Variants in ACACB observed in about 807,000 individuals in gnomAD.
ACACB encodes the protein acetyl-CoA carboxylase 2.
In ACACB, 209 loss-of-function variants were observed where a neutral mutation model predicts 278.8. That is an observed-to-expected ratio of 0.75 (90% CI 0.67 to 0.84). ACACB has a LOEUF of 0.84. Among genes scored for constraint, ACACB ranks in the 40% least tolerant of loss-of-function variants. The pLI, the probability that ACACB is intolerant of heterozygous loss-of-function variation, is 0.00. For synonymous variants in ACACB, 1,174 were observed against 1,285.6 expected, an observed-to-expected ratio of 0.91 and a Z score of 1.86; for missense variants, 2,850 against 3,269.0, an observed-to-expected ratio of 0.87 and a Z score of 3.13.
At chr12:109,158,971 T>C (rs2043632860) in intron 2 of ACACB, among the ~76,000 whole-genome samples, 1 of 62,160 alleles carries the variant, frequency 1.6e-5, no homozygotes, top group South Asian at 5.8e-4. Flanking sequence ...CAAGACTCCC[T>C]TTCGAAACAA....
intron 29 of ACACB, 148 bp downstream of exon 29, chr12:109,232,954 A>G (rs1593652830): frequency 1.0e-6 from 1 of 984,894 alleles, no homozygotes; most frequent in Non-Finnish European, 1.5e-6. Context: ...TAATAATAGC[A>G]TTGTAGCCAA....
intron 19 of ACACB, among the ~76,000 whole-genome samples, chr12:109,202,654 TTAAC>T (rs1339802795): frequency 4.6e-5 from 7 of 152,182 alleles, no homozygotes; most frequent in Non-Finnish European, 8.8e-5. Context: ...TGTTATTAAT[TTAAC>T]TATTATTGCA....
At chr12:109,133,901 GTT>G (rs36101609) in intron 1 of ACACB, among the ~76,000 whole-genome samples, 28 of 93,182 alleles carry the variant, frequency 3.0e-4, no homozygotes, top group African/African-American at 1.3e-3. Flanking sequence ...CAGCACACAG[GTT>G]TTTTTTTTTT....
intron 19 of ACACB, among the ~76,000 whole-genome samples, chr12:109,204,267 A>AT (rs558377061): frequency 4.8e-3 from 600 of 125,296 alleles, no homozygotes; most frequent in Admixed American, 0.012. Context: ...TATCAATACT[A>AT]TATCTTTTTT....
Position 109,262,953 on chromosome 12 carries a change from TATATATA to T in ACACB, c.6787+485_6787+491del, listed in dbSNP as rs1565985732. 2.1e-3 allele frequency: 190 copies of T among 91,678 alleles called. 6 individuals carry two copies. Among genetic ancestry groups the T allele is most frequent in the Non-Finnish European group, 3.0e-3 (154 of 50,884 alleles). 5.7% of individuals were successfully genotyped at this position (91,678 alleles called of 1,614,324 possible). ...TTCTAAATCAACCTTTTTAACATTA[TATATATA>T]TATATATATATATATATATATATTG... On this transcript the variant is annotated intron_variant, in intron 49 of 52. Transcript: ENST00000338432.
At position 109,188,023 on chromosome 12, in the gene ACACB, G is replaced by A. The variant is rs777305943; in HGVS notation, c.2005G>A (p.Val669Ile). 3 of 1,612,080 alleles carry A rather than the reference G, an allele frequency of 1.9e-6. No individual in the cohort carries two copies. The highest frequency in any genetic ancestry group is 1.7e-5 in the Admixed American group (1 of 59,938). ...DEGFKPSSGT[V>I]QELNFRSSKN... ...GGGTTTTAAGCCGAGCTCCGGGACT[G>A]TCCAGGAACTGAATTTCCGGAGCAG... is the stretch of plus-strand genomic sequence containing the variant. Residue 669 changes from valine (V) to isoleucine (I), a missense_variant, in exon 13 of 53, where the codon GTC (valine) becomes ATC (isoleucine). Val to Ile is a conservative substitution (Grantham distance 29, BLOSUM62 3). This residue lies in a region of ACACB where 2,265 missense variants were observed against 2,561.3 expected (regional missense o/e 0.88). Transcript: ENST00000338432.
intron 34 of ACACB, among the ~76,000 whole-genome samples, chr12:109,238,278 C>G (rs890461946): frequency 6.8e-6 from 1 of 147,042 alleles, no homozygotes; most frequent in Non-Finnish European, 1.5e-5. Context: ...TTGTGGACCT[C>G]TTTCATTGTT....
At chr12:109,190,248 C>T (rs1176456103) in intron 13 of ACACB, among the ~76,000 whole-genome samples, 1 of 152,094 alleles carries the variant, frequency 6.6e-6, no homozygotes, top group Non-Finnish European at 1.5e-5. Context: ...CCCACCACGC[C>T]CGGCTAGTTT....
At chr12:109,240,782 A>G (rs950532123) in intron 35 of ACACB, among the ~76,000 whole-genome samples, 1 of 152,082 alleles carries the variant, frequency 6.6e-6, no homozygotes, top group African/African-American at 2.4e-5. Context: ...ATGTAAAGAT[A>G]GTATAACATA....
chr12:109,168,460 A>G lies in ACACB; in HGVS notation c.925+426A>G, dbSNP rs536844418. Among the ~76,000 whole-genome samples, 5 of 152,286 alleles carry G rather than the reference A, an allele frequency of 3.3e-5. No individual in the cohort carries two copies. The East Asian group carries it at 7.7e-4, about 24-fold the overall frequency. The stretch of plus-strand genomic sequence containing the variant: ...TCCTTTTATAGGCCCTACTCCCCAC[A>G]GCAGCCAAAGTGACCTTTTAAAAGC... On this transcript the variant is annotated intron_variant, in intron 4 of 52. Coordinates refer to ENST00000338432, the MANE Select transcript of ACACB (RefSeq NM_001093.4).
upstream of ACACB, among the ~76,000 whole-genome samples, chr12:109,112,492 C>G (rs1452082351): frequency 6.6e-6 from 1 of 151,718 alleles, no homozygotes; most frequent in Admixed American, 6.6e-5. Context: ...CACCTGAGGT[C>G]GGGAGTTCAA....
rs1491468734 is a variant in ACACB at position 109,194,513 on chromosome 12, T to TGTGTGTGC, written c.2481+791_2481+792insCGTGTGTG. ...CCCAACCTCTGCCTCTGTGTGTGCA[T>TGTGTGTGC]GTGTGTGTGTGTGTGTGTGTGTGTG... On this transcript the variant is annotated intron_variant, in intron 16 of 52. Coordinates refer to ENST00000338432, the MANE Select transcript of ACACB (RefSeq NM_001093.4). 3.5e-4 allele frequency among the ~76,000 whole-genome samples: 6 copies of TGTGTGTGC among 17,188 alleles called. 1 individual carries two copies. Among genetic ancestry groups the TGTGTGTGC allele is most frequent in the African/African-American group, 1.9e-3 (6 of 3,238 alleles). 11.3% of individuals were successfully genotyped at this position (17,188 alleles called of 152,430 possible). A position where few individuals can be genotyped will look rare whatever the true frequency, so the allele number is the denominator to read the frequency against.
At chr12:109,234,117 G>C in intron 31 of ACACB, 72 bp downstream of exon 31, 2 of 1,318,470 alleles carry the variant, frequency 1.5e-6, no homozygotes, top group Non-Finnish European at 2.1e-6. Context: ...CGTCGAGGCG[G>C]CCCTTGGGGA....
chr12:109,203,345 TA>T (rs1379313713), intron 19 of ACACB, among the ~76,000 whole-genome samples: 1 of 152,236 alleles, frequency 6.6e-6, no homozygotes, highest in Non-Finnish European at 1.5e-5. Context: ...TCTTAGTTTT[TA>T]CCTATTGTCC....
chr12:109,256,098 C>T, intron 44 of ACACB, 42 bp from the exon 45 acceptor site: 1 of 1,577,760 alleles, frequency 6.3e-7, no homozygotes, highest in South Asian at 1.1e-5. Context: ...GGCCCCCAGC[C>T]ACCTGGCCCT....
Position 109,199,471 on chromosome 12 carries a change from C to T in ACACB, c.2697C>T (p.Ser899=), listed in dbSNP as rs1158434861. The T allele has an allele frequency of 1.9e-6, 3 of 1,567,382 alleles. No individual in the cohort carries two copies. The highest frequency in any genetic ancestry group is 2.8e-5 in the African/African-American group (2 of 72,442). The change falls in exon 18 of 53, where the codon TCC becomes TCT. Residue 899 remains serine (S), a synonymous_variant. Coordinates refer to ENST00000338432, the MANE Select transcript of ACACB (RefSeq NM_001093.4). ...EKENDPTVLR[S]PSAGKLTQYT... is the part of the protein sequence containing the mutation. ...AGAACGATCCTACAGTCCTGAGATCCCCCTCGGCTGGGAAGCTGACACAGT... is the reference window on the plus strand; with the variant it reads ...AGAACGATCCTACAGTCCTGAGATCTCCCTCGGCTGGGAAGCTGACACAGT...
At chr12:109,167,654 T>TATATA (rs71079531) in intron 3 of ACACB, among the ~76,000 whole-genome samples, 28 of 138,698 alleles carry the variant, frequency 2.0e-4, no homozygotes, top group South Asian at 4.6e-4. Context: ...TATATATATA[T>TATATA]TTCAGACAAA....
chr12:109,235,543 A>T lies in ACACB; in HGVS notation c.4405-63A>T, dbSNP rs2046609037. ...AATCGTTTACAATCACTAAATAAGGATGTACATATTTCAGTGCGTCTTGCT... is the reference window on the plus strand; with the variant it reads ...AATCGTTTACAATCACTAAATAAGGTTGTACATATTTCAGTGCGTCTTGCT... On this transcript the variant is annotated intron_variant, in intron 32 of 52. Coordinates refer to ENST00000338432, the MANE Select transcript of ACACB (RefSeq NM_001093.4). 2.7e-6 allele frequency: 4 copies of T among 1,482,276 alleles called. No homozygotes were observed. The South Asian group carries it at 3.4e-5, about 13-fold the overall frequency. The allele number at this position is 1,482,276 out of a possible 1,614,324, so 91.8% of individuals were successfully genotyped here.
At chr12:109,210,402 CACGCACACACATGTGTATAT>C (rs1328891203) in intron 21 of ACACB, among the ~76,000 whole-genome samples, 2 of 141,970 alleles carry the variant, frequency 1.4e-5, no homozygotes, top group African/African-American at 5.3e-5. Flanking sequence ...TATGTATATA[CACGCACACACATGTGTATAT>C]ATGTATATAC....
Sources: gnomAD v4.1 joint callset for allele counts (sites outside exome capture counted in the v4.1 genomes callset) on GRCh38, gnomAD v4.1.1 for gene constraint, gnomAD v4.1.1 regional missense constraint, MANE v1.5 for transcripts, NCBI Gene and HGNC (gene_info 2026-07-23, HGNC 2026-07-21) for gene names.